Variants in APP observed in about 807,000 individuals in gnomAD.
The protein encoded by APP is amyloid-beta precursor protein.
APP carries 31 observed loss-of-function variants against 101.4 expected under a neutral mutation model. The observed-to-expected ratio is 0.31, with a 90% CI of 0.23 to 0.41. The LOEUF is 0.41. Among genes scored for constraint, APP ranks in the 10% least tolerant of loss-of-function variants. APP has a pLI of 1.00. For synonymous variants in APP, 366 were observed against 364.4 expected (o/e 1.00, Z -0.05); for missense variants, 839 against 1,003.7 (o/e 0.84, Z 2.22).
At chr21:26,077,407 A>C (rs988814337) in intron 3 of APP, among the ~76,000 whole-genome samples, 3 of 152,184 alleles carry the variant, frequency 2.0e-5, no homozygotes, top group Non-Finnish European at 4.4e-5. Flanking sequence ...CAGAACGCTC[A>C]TACTTAGGCG....
chr21:26,116,465 C>T (rs2062437180), intron 1 of APP, among the ~76,000 whole-genome samples: 1 of 152,214 alleles, frequency 6.6e-6, no homozygotes, highest in African/African-American at 2.4e-5. Flanking sequence ...ACAGTTGCTA[C>T]AATTTTCAAT....
chr21:26,017,439 A>G (rs993685248), intron 6 of APP, among the ~76,000 whole-genome samples: 1 of 149,964 alleles, frequency 6.7e-6, no homozygotes, highest in African/African-American at 2.4e-5. Context: ...TTTAAATTAC[A>G]TTAAAGGGCA....
chr21:26,133,607 A>T (rs2062838341), intron 1 of APP, among the ~76,000 whole-genome samples: 1 of 152,152 alleles, frequency 6.6e-6, no homozygotes, highest in Non-Finnish European at 1.5e-5. Flanking sequence ...CAAGATGGTG[A>T]AACCTCATCT....
At chr21:26,081,905 T>C (rs978985393) in intron 3 of APP, among the ~76,000 whole-genome samples, 1 of 152,158 alleles carries the variant, frequency 6.6e-6, no homozygotes, top group African/African-American at 2.4e-5. Flanking sequence ...TATCTGAATG[T>C]CAGTTTGATT....
chr21:25,887,837 G>A (rs1453659826), intron 17 of APP, among the ~76,000 whole-genome samples: 1 of 152,176 alleles, frequency 6.6e-6, no homozygotes, highest in Non-Finnish European at 1.5e-5. Flanking sequence ...CTAGATTTAT[G>A]TACATGTACT....
intron 13 of APP, among the ~76,000 whole-genome samples, chr21:25,940,367 AATTT>A (rs2040526090): frequency 6.6e-6 from 1 of 151,848 alleles, no homozygotes; most frequent in Admixed American, 6.5e-5. Context: ...TGAACATTTT[AATTT>A]ATTAGGTAGA....
chr21:26,101,702 A>G (rs978977612), intron 2 of APP, among the ~76,000 whole-genome samples: 3 of 152,054 alleles, frequency 2.0e-5, no homozygotes, highest in South Asian at 2.1e-4. Flanking sequence ...TCTCTCCCCA[A>G]TCTAATCTAC....
intron 11 of APP, among the ~76,000 whole-genome samples, chr21:25,959,590 A>G (rs912890448): frequency 1.3e-5 from 2 of 152,232 alleles, no homozygotes; most frequent in Non-Finnish European, 1.5e-5. Flanking sequence ...AATTGTGCAG[A>G]AGGTTCAGAT....
At chr21:26,039,434 T>C (rs553374453) in intron 5 of APP, among the ~76,000 whole-genome samples, 3 of 152,328 alleles carry the variant, frequency 2.0e-5, no homozygotes, top group East Asian at 1.9e-4. Context: ...ACGCTTACAA[T>C]AGCAAATTAT....
Position 26,071,102 on chromosome 21 carries a change from T to C in APP, c.356-17754A>G, listed in dbSNP as rs932679427. ...AAAATCATTTAAATATGTGTCATTA[T>C]AGGCTGCAGCACATTTGCGGATTCG... On this transcript the variant is annotated intron_variant, in intron 3 of 17. Transcript: ENST00000346798. Among the ~76,000 whole-genome samples the C allele has an allele frequency of 9.2e-5, 14 of 152,344 alleles. No individual in the cohort carries two copies. In the East Asian group the frequency reaches 1.5e-3, roughly 17 times the overall value.
At chr21:26,065,422 C>CT (rs962633666) in intron 3 of APP, among the ~76,000 whole-genome samples, 15 of 152,050 alleles carry the variant, frequency 9.9e-5, no homozygotes, top group Admixed American at 8.5e-4. Flanking sequence ...CTTGGTTTGA[C>CT]TTTTTTTTAG....
chr21:25,942,421 A>T (rs1159468960), intron 13 of APP: 2 of 152,196 alleles, frequency 1.3e-5, no homozygotes, highest in Non-Finnish European at 2.9e-5. Context: ...CTGAAAACTA[A>T]GATTCTTTCC....
At chr21:25,923,344 C>CA (rs993932973) in intron 13 of APP, among the ~76,000 whole-genome samples, 5 of 148,582 alleles carry the variant, frequency 3.4e-5, no homozygotes, top group African/African-American at 1.3e-4. Context: ...TCCAAAACAC[C>CA]AAAAGCAATG....
At chr21:26,123,831 G>C (rs926634126) in intron 1 of APP, among the ~76,000 whole-genome samples, 1 of 152,150 alleles carries the variant, frequency 6.6e-6, no homozygotes, top group Non-Finnish European at 1.5e-5. Context: ...GAGGCAATCT[G>C]ATATTGACAA....
chr21:25,885,493 C>T (rs2037264227), intron 17 of APP, among the ~76,000 whole-genome samples: 1 of 152,234 alleles, frequency 6.6e-6, no homozygotes, highest in Non-Finnish European at 1.5e-5. Flanking sequence ...GCAGGAACAT[C>T]TGTCACTTGC....
chr21:25,924,566 A>T (rs2039800153), intron 13 of APP, among the ~76,000 whole-genome samples: 1 of 151,886 alleles, frequency 6.6e-6, no homozygotes, highest in Non-Finnish European at 1.5e-5. Context: ...GAACAATGAG[A>T]ACACATGGAC....
intron 11 of APP, among the ~76,000 whole-genome samples, chr21:25,960,403 C>T (rs2041528474): frequency 6.6e-6 from 1 of 152,116 alleles, no homozygotes; most frequent in African/African-American, 2.4e-5. Context: ...CCCAGTAAAA[C>T]TTGTTAATCC....
At chr21:26,042,072 T>TA in intron 5 of APP, among the ~76,000 whole-genome samples, 1 of 152,310 alleles carries the variant, frequency 6.6e-6, no homozygotes, top group Middle Eastern at 3.4e-3. Context: ...GGCAAAGATT[T>TA]AAAGCTTTAA....
intron 9 of APP, among the ~76,000 whole-genome samples, chr21:25,977,567 G>A (rs377477293): frequency 6.6e-5 from 10 of 152,260 alleles, no homozygotes; most frequent in African/African-American, 9.6e-5. Flanking sequence ...TCACCATGTG[G>A]GTTCCTAATT....
Sources: gnomAD v4.1 joint callset for allele counts (sites outside exome capture counted in the v4.1 genomes callset) on GRCh38, gnomAD v4.1.1 for gene constraint, MANE v1.5 for transcripts, NCBI Gene and HGNC (gene_info 2026-07-23, HGNC 2026-07-21) for gene names.